Variants in CTBP2 observed in about 807,000 individuals in gnomAD.
CTBP2 encodes the protein C-terminal-binding protein 2.
In CTBP2, 30 loss-of-function variants were observed where a neutral mutation model predicts 80.3. The ratio of observed to expected loss-of-function variants is 0.37; its 90% CI spans 0.28 to 0.51. The LOEUF (loss-of-function observed/expected upper bound fraction) is 0.51, where lower values mean the gene tolerates loss of function less well. Ranked by LOEUF, CTBP2 falls within the 20% of genes least tolerant of loss-of-function variation. The probability of loss-of-function intolerance (pLI) is 0.93; values close to 1 mark genes in which losing one functional copy is unlikely to be tolerated. For synonymous variants in CTBP2, 594 were observed against 587.4 expected, an observed-to-expected ratio of 1.01 and a Z score of -0.16; for missense variants, 1,212 against 1,375.3, an observed-to-expected ratio of 0.88 and a Z score of 1.88.
chr10:125,150,966 C>G (rs953626403), intron 1 of CTBP2, among the ~76,000 whole-genome samples: 2 of 151,308 alleles, frequency 1.3e-5, no homozygotes, highest in African/African-American at 2.4e-5. Context: ...CAGCCCTGGC[C>G]AAGCACAGCG....
intron 3 of CTBP2, among the ~76,000 whole-genome samples, chr10:125,034,688 AAAAAACAAAC>A (rs1485324402): frequency 6.6e-6 from 1 of 152,266 alleles, no homozygotes; most frequent in Non-Finnish European, 1.5e-5. Flanking sequence ...AAGTGCTTTA[AAAAAACAAAC>A]AAAAACAAAA....
chr10:124,992,980 C>T (rs1014399516), intron 7 of CTBP2, among the ~76,000 whole-genome samples, 168 bp from the exon 10 acceptor site: 4 of 152,092 alleles, frequency 2.6e-5, no homozygotes, highest in Non-Finnish European at 2.9e-5. Flanking sequence ...CTCTGTGTGC[C>T]CCCCGACCCC....
At position 125,111,100 on chromosome 10, in the gene CTBP2, G is replaced by A. The variant is rs74163338; in HGVS notation, c.-205-7C>T. 14,044 of 152,570 alleles carry A rather than the reference G, an allele frequency of 0.092. 809 individuals carry two copies. Among genetic ancestry groups the A allele is most frequent in the African/African-American group, 0.15 (6,242 of 41,502 alleles). The allele number at this position is 152,570 out of a possible 1,614,324, so 9.5% of individuals were successfully genotyped here. On this transcript the variant is annotated splice_polypyrimidine_tract_variant and splice_region_variant and intron_variant, in intron 1 of 10. Coordinates refer to the CTBP2 transcript ENST00000337195. Reference sequence around the variant, plus strand: ...CATTTAAGGTGATGAAACCCTGAAAGCAAAATGAATGGAGTCAGTGAAGAT... The same window carrying A: ...CATTTAAGGTGATGAAACCCTGAAAACAAAATGAATGGAGTCAGTGAAGAT...
At chr10:125,121,225 G>A (rs1025883673) in intron 1 of CTBP2, among the ~76,000 whole-genome samples, 1 of 152,210 alleles carries the variant, frequency 6.6e-6, no homozygotes, top group Admixed American at 6.5e-5. Flanking sequence ...CTCCCTCATG[G>A]GGCCACAGCG....
In CTBP2 at chr10:125,027,957, C is replaced by T. The variant is rs541027512; in HGVS notation, c.-198G>A. 129 of 1,388,864 alleles carry T rather than the reference C, an allele frequency of 9.3e-5. No individual in the cohort carries two copies. The highest frequency in any genetic ancestry group is 5.3e-4 in the East Asian group (20 of 37,402). The allele number at this position is 1,388,864 out of a possible 1,614,324, so 86.0% of individuals were successfully genotyped here. A position where few individuals can be genotyped will look rare whatever the true frequency, so the allele number is the denominator to read the frequency against. ...CTTAGCAGACAAAACATAAGACTCACGGTAACTTTGCCTCACTCCCCAACG... is the reference window on the plus strand; with the variant it reads ...CTTAGCAGACAAAACATAAGACTCATGGTAACTTTGCCTCACTCCCCAACG... On this transcript the variant is annotated 5_prime_UTR_variant, in exon 1 of 9. Transcript: ENST00000309035.
intron 2 of CTBP2, among the ~76,000 whole-genome samples, chr10:125,053,214 C>T (rs1452566809): frequency 6.6e-6 from 1 of 152,122 alleles, no homozygotes; most frequent in Non-Finnish European, 1.5e-5. Context: ...TTCTGGAGTA[C>T]GACTGGGGGT....
At position 124,985,255 on chromosome 10, in the gene CTBP2, T is replaced by G. The variant is rs1952007529; in HGVS notation, c.*4263A>C. ...ACTTTTTTTCCTTCCAAATTGTAAATCTGTCTATAAATGTAACGCATGTGG... is the reference window on the plus strand; with the variant it reads ...ACTTTTTTTCCTTCCAAATTGTAAAGCTGTCTATAAATGTAACGCATGTGG... On this transcript the variant is annotated 3_prime_UTR_variant, in exon 9 of 9. Transcript: ENST00000309035. 1 of 391,550 alleles carries G rather than the reference T, an allele frequency of 2.6e-6. No homozygotes were observed. Among genetic ancestry groups the G allele is most frequent in the African/African-American group, 2.0e-5 (1 of 49,186 alleles). The allele number at this position is 391,550 out of a possible 1,614,324, so 24.3% of individuals were successfully genotyped here.
intron 2 of CTBP2, among the ~76,000 whole-genome samples, chr10:125,110,143 C>T (rs932222970): frequency 2.6e-5 from 4 of 152,342 alleles, no homozygotes; most frequent in Non-Finnish European, 5.9e-5. Flanking sequence ...CAAAGCTAGT[C>T]CCCTCAAGGC....
Position 125,027,177 on chromosome 10 carries a change from C to T in CTBP2, c.583G>A (p.Asp195Asn), listed in dbSNP as rs747493814. The T allele has an allele frequency of 7.5e-5, 121 of 1,605,262 alleles. 1 individual carries two copies. The highest frequency in any genetic ancestry group is 4.2e-4 in the South Asian group (38 of 90,824). Reference sequence around the variant, plus strand: ...GGCACCTCCGCCCCATACCTGGTGTCGGGCTGCTCCCGTCCATACCGCCCG... The same window carrying T: ...GGCACCTCCGCCCCATACCTGGTGTTGGGCTGCTCCCGTCCATACCGCCCG... Residue 195 changes from aspartate to asparagine, a missense_variant, in exon 1 of 9, where the codon GAC (aspartate) becomes AAC (asparagine). Around this residue, in one of 3 missense-constraint regions of CTBP2, gnomAD observed 848 missense variants for 782.3 expected, o/e 1.08. Coordinates refer to ENST00000309035, the MANE Select transcript of CTBP2 (RefSeq NM_022802.3).
intron 2 of CTBP2, among the ~76,000 whole-genome samples, chr10:125,064,507 G>T (rs1453042195): frequency 6.6e-6 from 1 of 152,068 alleles, no homozygotes; most frequent in East Asian, 1.9e-4. Context: ...ACTTCTCAAG[G>T]GAAGAGAGCC....
chr10:125,080,109 A>T (rs912644676), intron 2 of CTBP2, among the ~76,000 whole-genome samples: 5 of 152,176 alleles, frequency 3.3e-5, no homozygotes, highest in African/African-American at 1.2e-4. Flanking sequence ...AAGTGCACAA[A>T]TCATTTTAAC....
chr10:125,082,662 A>G (rs1847355581), intron 2 of CTBP2, among the ~76,000 whole-genome samples: 1 of 145,678 alleles, frequency 6.9e-6, no homozygotes, highest in African/African-American at 2.6e-5. Context: ...ATCTCAGCTC[A>G]CTGCAACCTC....
At chr10:125,145,176 T>TG (rs1858523638) in intron 1 of CTBP2, among the ~76,000 whole-genome samples, 1 of 152,184 alleles carries the variant, frequency 6.6e-6, no homozygotes, top group African/African-American at 2.4e-5. Context: ...GGGTGTGTGT[T>TG]GGGGGAGTGG....
In CTBP2 at chr10:124,994,647, G is replaced by C. The variant is rs1273726439; in HGVS notation, c.2222C>G (p.Ala741Gly). ...ATAAAATATGACGCTGAATCCAAAG[G>C]CCTTGGCTCGAACTGCAACCGCCTG... is the stretch of plus-strand genomic sequence containing the variant. The change falls in exon 5 of 9, where the codon GCC becomes GGC. Residue 741 changes from alanine (A) to glycine (G), a missense_variant. Ala to Gly is a moderately conservative substitution (Grantham distance 60). This residue lies in a region of CTBP2 where 335 missense variants were observed against 504.7 expected (regional missense o/e 0.66). Transcript: ENST00000309035. The C allele has an allele frequency of 6.2e-7, 1 of 1,614,044 alleles. No homozygotes were observed. The highest frequency in any genetic ancestry group is 1.3e-5 in the African/African-American group (1 of 74,922).
chr10:125,004,017 A>AG (rs958769598), intron 1 of CTBP2, among the ~76,000 whole-genome samples: 2 of 152,192 alleles, frequency 1.3e-5, no homozygotes, highest in African/African-American at 2.4e-5. Context: ...GGAGGCCTCT[A>AG]GGGGCTCAGG....
intron 2 of CTBP2, among the ~76,000 whole-genome samples, chr10:125,078,526 T>C (rs925486148): frequency 6.8e-6 from 1 of 146,310 alleles, no homozygotes; most frequent in South Asian, 2.1e-4. Context: ...TTTTTTTTTT[T>C]TTAAACCCAA....
chr10:125,128,230 A>T (rs575120986), intron 1 of CTBP2, among the ~76,000 whole-genome samples: 3 of 152,200 alleles, frequency 2.0e-5, no homozygotes, highest in Admixed American at 6.5e-5. Context: ...GACCATCAGT[A>T]GGCTCCAAAA....
intron 2 of CTBP2, among the ~76,000 whole-genome samples, chr10:125,061,261 C>T (rs181928650): frequency 1.3e-5 from 2 of 152,336 alleles, no homozygotes; most frequent in Admixed American, 6.5e-5. Context: ...AAATACTTCC[C>T]GATAGGACTT....
At position 125,026,680 on chromosome 10, in the gene CTBP2, C is replaced by G. The variant is rs1157178012; in HGVS notation, c.1080G>C (p.Arg360=). The change falls in exon 1 of 9, where the codon CGG becomes CGC. Residue 360 remains arginine (R), a synonymous_variant. Coordinates refer to ENST00000309035, the MANE Select transcript of CTBP2 (RefSeq NM_022802.3). ...ACCGCGCCCGGGGCAGCGGGCCCCC[C>G]CGGTCCTGCCTCCGCAGCTGCATTT... is the stretch of plus-strand genomic sequence containing the variant. The G allele has an allele frequency of 1.2e-6, 2 of 1,608,590 alleles. No individual in the cohort carries two copies. The highest frequency in any genetic ancestry group is 1.7e-6 in the Non-Finnish European group (2 of 1,178,108).
Sources: allele counts gnomAD v4.1 joint callset (sites outside exome capture counted in the v4.1 genomes callset), GRCh38; gene constraint gnomAD v4.1.1; regional missense constraint gnomAD v4.1.1; transcripts MANE v1.5; gene names NCBI Gene and HGNC (gene_info 2026-07-23, HGNC 2026-07-21).